FOXP1: variants seen among roughly 807,000 people sequenced by gnomAD.
The protein encoded by FOXP1 is forkhead box protein P1.
FOXP1 carries 15 observed loss-of-function variants against 98.2 expected under a neutral mutation model. That is an observed-to-expected ratio of 0.15 (90% CI 0.10 to 0.24). The LOEUF (loss-of-function observed/expected upper bound fraction) is 0.24. Ranked by LOEUF, FOXP1 falls within the 10% of genes least tolerant of loss-of-function variation. FOXP1 has a pLI of 1.00. For missense variants in FOXP1, 633 were observed against 848.5 expected (o/e 0.75, Z 3.15); for synonymous variants, 371 against 314.5 (o/e 1.18, Z -1.90).
chr3:71,443,173 C>T (rs976456201), intron 3 of FOXP1, among the ~76,000 whole-genome samples: 5 of 152,168 alleles, frequency 3.3e-5, no homozygotes, highest in Non-Finnish European at 7.4e-5. Context: ...GAATCACAGG[C>T]GTGAGCCACC....
At chr3:71,031,102 T>C (rs2046808169) in intron 11 of FOXP1, among the ~76,000 whole-genome samples, 1 of 152,200 alleles carries the variant, frequency 6.6e-6, no homozygotes, top group Non-Finnish European at 1.5e-5. Flanking sequence ...ATCACATCAT[T>C]TGCACAAACA....
At chr3:71,281,839 G>A (rs1254905779) in intron 5 of FOXP1, among the ~76,000 whole-genome samples, 1 of 151,868 alleles carries the variant, frequency 6.6e-6, no homozygotes, top group Non-Finnish European at 1.5e-5. Context: ...AGTGGCTTAT[G>A]CCTGTAATCT....
chr3:71,123,176 G>A (rs950492617), intron 6 of FOXP1, among the ~76,000 whole-genome samples: 2 of 151,996 alleles, frequency 1.3e-5, no homozygotes, highest in African/African-American at 4.8e-5. Context: ...TAAAAACTCT[G>A]TCCACAATCC....
In FOXP1 at chr3:71,047,461, C is replaced by T. The variant is rs1258157937; in HGVS notation, c.511-366G>A. 8.5e-5 allele frequency among the ~76,000 whole-genome samples: 13 copies of T among 152,148 alleles called. No individual in the cohort carries two copies. The South Asian group carries it at 2.3e-3, about 27-fold the overall frequency. On this transcript the variant is annotated intron_variant, in intron 9 of 20. Transcript: ENST00000649528. ...CTCTAGTCTGAAGGGGTCTGAACCC[C>T]GAACCTTTGAGGTGTAAAAGAACAA...
chr3:71,426,867 C>A (rs1173177384), intron 3 of FOXP1, among the ~76,000 whole-genome samples: 1 of 152,090 alleles, frequency 6.6e-6, no homozygotes, highest in Non-Finnish European at 1.5e-5. Flanking sequence ...TCGAGACCAG[C>A]CTGACCAACA....
At chr3:70,991,231 T>C (rs1368954500) in intron 13 of FOXP1, among the ~76,000 whole-genome samples, 2 of 152,170 alleles carry the variant, frequency 1.3e-5, no homozygotes, top group Admixed American at 1.3e-4. Flanking sequence ...AAAGGAAAGA[T>C]GAAGCCCACT....
At chr3:71,111,387 C>A (rs951956241) in intron 7 of FOXP1, among the ~76,000 whole-genome samples, 3 of 152,106 alleles carry the variant, frequency 2.0e-5, no homozygotes, top group Non-Finnish European at 4.4e-5. Context: ...AGTCAAAAAC[C>A]CAAATTAGAT....
upstream of FOXP1, chr3:71,583,968 G>C (rs1404465545): frequency 1.3e-5 from 13 of 973,434 alleles, no homozygotes; most frequent in South Asian, 4.8e-5. Flanking sequence ...GCCGTTCGCC[G>C]GGGCGCTGGC....
intron 4 of FOXP1, among the ~76,000 whole-genome samples, chr3:71,353,236 C>T (rs547560932): frequency 1.1e-4 from 16 of 152,270 alleles, no homozygotes; most frequent in East Asian, 5.8e-4. Context: ...TAATCTTCCC[C>T]GCTGCTCCTC....
intron 4 of FOXP1, among the ~76,000 whole-genome samples, chr3:71,325,770 G>C (rs1356454450): frequency 6.6e-6 from 1 of 151,964 alleles, no homozygotes; most frequent in African/African-American, 2.4e-5. Context: ...CTGCAGCACT[G>C]AACTGCCAAA....
At chr3:71,386,778 A>G (rs2080623761) in intron 3 of FOXP1, among the ~76,000 whole-genome samples, 1 of 150,412 alleles carries the variant, frequency 6.6e-6, no homozygotes, top group African/African-American at 2.4e-5. Flanking sequence ...CCTTCCTTGG[A>G]AGCTTATTAC....
At chr3:71,130,562 C>G (rs2059506604) in intron 6 of FOXP1, 3 of 1,598,298 alleles carry the variant, frequency 1.9e-6, no homozygotes, top group South Asian at 2.2e-5. Context: ...CGTCTTCTTG[C>G]TGTAGATGGG....
intron 14 of FOXP1, among the ~76,000 whole-genome samples, chr3:70,984,740 C>T (rs868024154): frequency 1.8e-4 from 28 of 152,076 alleles, no homozygotes; most frequent in African/African-American, 6.3e-4. Flanking sequence ...GAAGAAAGGC[C>T]GTCGAAGGAG....
intron 3 of FOXP1, among the ~76,000 whole-genome samples, chr3:71,409,061 G>A (rs916539746): frequency 1.3e-5 from 2 of 152,196 alleles, no homozygotes; most frequent in Admixed American, 6.5e-5. Context: ...TGCACAGCAG[G>A]TTTTTTCCTT....
At chr3:71,366,341 A>C (rs1350065887) in intron 3 of FOXP1, among the ~76,000 whole-genome samples, 3 of 152,332 alleles carry the variant, frequency 2.0e-5, no homozygotes, top group South Asian at 4.1e-4. Context: ...ATGATAATCC[A>C]GTCTGACAAA....
chr3:71,506,824 G>A (rs1236078074), intron 2 of FOXP1, among the ~76,000 whole-genome samples: 1 of 152,212 alleles, frequency 6.6e-6, no homozygotes, highest in Non-Finnish European at 1.5e-5. Context: ...AGCTCCCAAC[G>A]TTGCCATAGA....
chr3:71,035,359 CA>C (rs1347225850), intron 11 of FOXP1, among the ~76,000 whole-genome samples: 1 of 152,172 alleles, frequency 6.6e-6, no homozygotes, highest in Non-Finnish European at 1.5e-5. Context: ...TGGTGAAGGT[CA>C]GGGGTCAGCA....
rs1311171143 is a variant in FOXP1, at chr3:70,979,706, T to A, written c.1147-1677A>T. ...TATTAAAAATGAGATTCCTCTGAGA[T>A]CATAATCAAAGAACTTATTAAAAGA... On this transcript the variant is annotated intron_variant, in intron 14 of 20. Transcript: ENST00000649528. Among the ~76,000 whole-genome samples, 4 of 149,348 alleles carry A rather than the reference T, an allele frequency of 2.7e-5. No homozygotes were observed. The East Asian group carries it at 8.1e-4, about 30-fold the overall frequency.
intron 5 of FOXP1, among the ~76,000 whole-genome samples, chr3:71,203,064 AC>A (rs2063774568): frequency 6.6e-6 from 1 of 152,190 alleles, no homozygotes; most frequent in African/African-American, 2.4e-5. Context: ...GTGTAATCAT[AC>A]AAAGTGCCTG....
Sources: allele counts gnomAD v4.1 joint callset (sites outside exome capture counted in the v4.1 genomes callset), GRCh38; gene constraint gnomAD v4.1.1; transcripts MANE v1.5; gene names NCBI Gene and HGNC (gene_info 2026-07-23, HGNC 2026-07-21).